KCNH7: variants seen among roughly 807,000 people sequenced by gnomAD.
KCNH7 encodes the protein potassium voltage-gated channel subfamily H member 7.
A neutral mutation model predicts 120.8 loss-of-function variants in KCNH7; 49 were observed. That is an observed-to-expected ratio of 0.41 (90% CI 0.32 to 0.51). The LOEUF (loss-of-function observed/expected upper bound fraction) is 0.51. Among genes scored for constraint, KCNH7 ranks in the 20% least tolerant of loss-of-function variants. The pLI is 0.38. For missense variants in KCNH7, 1,097 were observed against 1,446.6 expected, an observed-to-expected ratio of 0.76 and a Z score of 3.92; for synonymous variants, 547 against 516.1, an observed-to-expected ratio of 1.06 and a Z score of -0.81.
Position 162,838,723 on chromosome 2 carries a change from A to G in KCNH7, c.-205T>C. 2 of 218,106 alleles carry G rather than the reference A, an allele frequency of 9.2e-6. No individual in the cohort carries two copies. The highest frequency in any genetic ancestry group is 1.0e-4 in the East Asian group (1 of 9,794). The allele number at this position is 218,106 out of a possible 1,614,324, so 13.5% of individuals were successfully genotyped here. ...CCAATCCATTCCCCTCACCTTCCGG[A>G]GGGGGCCTCGCACCGGACTGCCGCG... is the stretch of plus-strand genomic sequence containing the variant. On this transcript the variant is annotated 5_prime_UTR_variant, in exon 1 of 16. Coordinates refer to ENST00000332142, the MANE Select transcript of KCNH7 (RefSeq NM_033272.4).
chr2:162,379,792 T>G, intron 14 of KCNH7, 61 bp downstream of exon 14: 1 of 1,525,266 alleles, frequency 6.6e-7, no homozygotes. Context: ...TTGTAAGGAG[T>G]AAAACTGGAC....
intron 2 of KCNH7, among the ~76,000 whole-genome samples, chr2:162,745,833 A>G (rs1250930883): frequency 6.6e-6 from 1 of 152,080 alleles, no homozygotes; most frequent in Non-Finnish European, 1.5e-5. Flanking sequence ...CTTTAAAAAA[A>G]ATCTTTCTGC....
intron 2 of KCNH7, among the ~76,000 whole-genome samples, chr2:162,772,258 A>G (rs1302987506): frequency 1.3e-5 from 2 of 152,208 alleles, no homozygotes; most frequent in Non-Finnish European, 2.9e-5. Context: ...AGAAAGAGAT[A>G]AAGAGAGTAA....
chr2:162,695,205 A>C (rs1178048467), intron 2 of KCNH7, among the ~76,000 whole-genome samples: 1 of 152,154 alleles, frequency 6.6e-6, no homozygotes, highest in East Asian at 1.9e-4. Context: ...TTTCCTAAGG[A>C]AGCAAGTTGG....
chr2:162,684,345 G>A (rs933281945), intron 2 of KCNH7, among the ~76,000 whole-genome samples: 12 of 151,896 alleles, frequency 7.9e-5, no homozygotes, highest in Admixed American at 4.6e-4. Flanking sequence ...CAAAATTGAC[G>A]AATGACATCT....
intron 2 of KCNH7, among the ~76,000 whole-genome samples, chr2:162,639,775 T>C (rs1201085171): frequency 4.6e-5 from 7 of 151,952 alleles, no homozygotes; most frequent in Non-Finnish European, 5.9e-5. Flanking sequence ...AAGGATGAAA[T>C]AAAACTGTTC....
At chr2:162,634,113 T>C (rs1411514502) in intron 2 of KCNH7, among the ~76,000 whole-genome samples, 1 of 152,080 alleles carries the variant, frequency 6.6e-6, no homozygotes, top group Non-Finnish European at 1.5e-5. Flanking sequence ...TCATATCTTC[T>C]ACTCATAGCT....
chr2:162,471,531 G>T (rs1479042001), intron 6 of KCNH7, among the ~76,000 whole-genome samples: 1 of 152,170 alleles, frequency 6.6e-6, no homozygotes, highest in African/African-American at 2.4e-5. Context: ...GACCTTACAA[G>T]GGATGTGAAG....
At chr2:162,790,437 A>C (rs1366572454) in intron 2 of KCNH7, among the ~76,000 whole-genome samples, 2 of 151,996 alleles carry the variant, frequency 1.3e-5, no homozygotes, top group Non-Finnish European at 2.9e-5. Context: ...AATTCTTCTC[A>C]AACTCTTCCA....
At chr2:162,586,230 T>G (rs892082605) in intron 2 of KCNH7, among the ~76,000 whole-genome samples, 3 of 152,084 alleles carry the variant, frequency 2.0e-5, no homozygotes, top group Admixed American at 6.6e-5. Flanking sequence ...ATCTTGCATC[T>G]TGCTTTGACT....
intron 2 of KCNH7, among the ~76,000 whole-genome samples, chr2:162,662,933 G>A (rs982153675): frequency 6.6e-6 from 1 of 152,100 alleles, no homozygotes; most frequent in African/African-American, 2.4e-5. Flanking sequence ...CAAAAGACTT[G>A]GGTTCTTCTT....
chr2:162,558,629 C>T (rs1304145980), intron 2 of KCNH7, among the ~76,000 whole-genome samples: 1 of 149,688 alleles, frequency 6.7e-6, no homozygotes, highest in Non-Finnish European at 1.5e-5. Flanking sequence ...ACCTTTTAAC[C>T]TGGAAAAGAA....
intron 4 of KCNH7, among the ~76,000 whole-genome samples, chr2:162,513,969 C>T (rs1327218107): frequency 6.6e-6 from 1 of 151,556 alleles, no homozygotes; most frequent in African/African-American, 2.4e-5. Context: ...GCATACTTGC[C>T]ACTAACAAAA....
chr2:162,714,945 T>C (rs894850725), intron 2 of KCNH7, among the ~76,000 whole-genome samples: 7 of 152,156 alleles, frequency 4.6e-5, no homozygotes, highest in African/African-American at 1.7e-4. Flanking sequence ...AGCTATAGGT[T>C]AGTAAAAACA....
Position 162,594,396 on chromosome 2 carries a change from A to G in KCNH7, c.308-57316T>C, listed in dbSNP as rs190498290. On this transcript the variant is annotated intron_variant, in intron 2 of 15. Transcript: ENST00000332142. ...GAGTTGAGGGCAAGGAAAAGAGATT[A>G]TAGCTAACCTAAATTTACATTTAGA... Among the ~76,000 whole-genome samples the G allele has an allele frequency of 5.0e-4, 76 of 152,036 alleles. 1 individual carries two copies. Among genetic ancestry groups the G allele is most frequent in the Non-Finnish European group, 4.1e-4 (28 of 67,972 alleles).
At chr2:162,826,285 G>C (rs572870017) in intron 2 of KCNH7, among the ~76,000 whole-genome samples, 12 of 152,210 alleles carry the variant, frequency 7.9e-5, no homozygotes, top group Non-Finnish European at 1.5e-4. Flanking sequence ...GATCCAGGGA[G>C]GGCTGGGATG....
intron 2 of KCNH7, among the ~76,000 whole-genome samples, chr2:162,631,183 C>G (rs567690733): frequency 6.6e-6 from 1 of 152,150 alleles, no homozygotes; most frequent in South Asian, 2.1e-4. Context: ...TTGTAGGCTG[C>G]CACTTACTGT....
intron 9 of KCNH7, among the ~76,000 whole-genome samples, chr2:162,421,991 T>C (rs1278199660): frequency 6.6e-6 from 1 of 152,136 alleles, no homozygotes; most frequent in African/African-American, 2.4e-5. Flanking sequence ...TAAACAATAA[T>C]AGTGATGGAA....
chr2:162,711,854 AAAGGG>A (rs1412548883), intron 2 of KCNH7, among the ~76,000 whole-genome samples: 1 of 152,122 alleles, frequency 6.6e-6, no homozygotes, highest in Non-Finnish European at 1.5e-5. Flanking sequence ...AAAAAAAGGA[AAAGGG>A]AAGGGGCCCA....
Sources: gnomAD v4.1 joint callset for allele counts (sites outside exome capture counted in the v4.1 genomes callset) on GRCh38, gnomAD v4.1.1 for gene constraint, MANE v1.5 for transcripts, NCBI Gene and HGNC (gene_info 2026-07-23, HGNC 2026-07-21) for gene names.